Variants in SYNE1 observed in about 807,000 individuals in gnomAD.
SYNE1 encodes the protein nesprin-1.
In SYNE1, 616 loss-of-function variants were observed where a neutral mutation model predicts 1,111.0. That is an observed-to-expected ratio of 0.55 (90% CI 0.52 to 0.59). SYNE1 has a LOEUF of 0.59. Ranked by LOEUF, SYNE1 falls within the 20% of genes least tolerant of loss-of-function variation. The probability of loss-of-function intolerance (pLI) is 0.00; values close to 1 mark genes in which losing one functional copy is unlikely to be tolerated. For synonymous variants in SYNE1, 3,855 were observed against 3,825.8 expected (o/e 1.01, Z -0.28); for missense variants, 10,006 against 10,417.0 (o/e 0.96, Z 1.72).
In SYNE1 at chr6:152,387,219, C is replaced by T; in HGVS notation, c.8340G>A (p.Leu2780=). ...FVLLDHLQSI[L]SEAEDHTRAL... is the part of the protein sequence containing the mutation. ...CTCTCGTGTGATCTTCTGCCTCAGA[C>T]AGGATGGACTGGAGGTGGTCAAGCA... Residue 2780 remains leucine (L), a synonymous_variant, in exon 54 of 146, where the codon CTG becomes CTA. Coordinates refer to ENST00000367255, the MANE Select transcript of SYNE1 (RefSeq NM_182961.4). 2 of 1,614,192 alleles carry T rather than the reference C, an allele frequency of 1.2e-6. No homozygotes were observed. The highest frequency in any genetic ancestry group is 8.5e-7 in the Non-Finnish European group (1 of 1,180,024).
intron 3 of SYNE1, among the ~76,000 whole-genome samples, chr6:152,574,530 G>A (rs1179200058): frequency 6.6e-6 from 1 of 151,966 alleles, no homozygotes; most frequent in Non-Finnish European, 1.5e-5. Context: ...GTCTTTGTTG[G>A]TTGATTAAGC....
chr6:152,595,347 A>G (rs2099577968), intron 3 of SYNE1, among the ~76,000 whole-genome samples: 2 of 152,236 alleles, frequency 1.3e-5, no homozygotes, highest in Admixed American at 1.3e-4. Flanking sequence ...TTCACACATC[A>G]TCATCCAAGC....
intron 87 of SYNE1, among the ~76,000 whole-genome samples, chr6:152,313,464 CT>C (rs35627993): frequency 0.12 from 15,970 of 135,508 alleles, 879 homozygotes; most frequent in Non-Finnish European, 0.16. Flanking sequence ...ATTTTCTTTT[CT>C]TTTTTTTTTT....
chr6:152,180,313 G>T lies in SYNE1; in HGVS notation c.23302-19C>A. The T allele has an allele frequency of 1.9e-6, 3 of 1,613,328 alleles. No individual in the cohort carries two copies. The highest frequency in any genetic ancestry group is 2.5e-6 in the Non-Finnish European group (3 of 1,179,658). On this transcript the variant is annotated intron_variant, in intron 128 of 145. Coordinates refer to ENST00000367255, the MANE Select transcript of SYNE1 (RefSeq NM_182961.4). ...AGGAGAGCTGAAAAGTTTAAAATGG[G>T]AGAATAGGCAAAATGATTATCAGAG...
chr6:152,190,518 A>G (rs979965555), intron 127 of SYNE1, among the ~76,000 whole-genome samples: 1 of 152,194 alleles, frequency 6.6e-6, no homozygotes, highest in African/African-American at 2.4e-5. Context: ...AGATATTTTA[A>G]TAGATGATAG....
chr6:152,480,080 G>T (rs1335522352), intron 14 of SYNE1, among the ~76,000 whole-genome samples: 1 of 152,160 alleles, frequency 6.6e-6, no homozygotes, highest in Admixed American at 6.5e-5. Context: ...AAACATTCTT[G>T]ATCATACATC....
At chr6:152,128,544 A>G (rs2054299619) in intron 145 of SYNE1, 1 of 152,244 alleles carries the variant, frequency 6.6e-6, no homozygotes, top group Non-Finnish European at 1.5e-5. Flanking sequence ...ACAGGCTAGT[A>G]TAATATTAAC....
In SYNE1 at chr6:152,463,013, A is replaced by C. The variant is rs929555111; in HGVS notation, c.2098-123T>G. On this transcript the variant is annotated intron_variant, in intron 19 of 145. Coordinates refer to ENST00000367255, the MANE Select transcript of SYNE1 (RefSeq NM_182961.4). ...CCGGTAAGAAAGACTCTAATCTTTGATTCTCATTTTAGATAAATTTGAAGT... is the reference window on the plus strand; with the variant it reads ...CCGGTAAGAAAGACTCTAATCTTTGCTTCTCATTTTAGATAAATTTGAAGT... The C allele has an allele frequency of 7.5e-6, 9 of 1,204,566 alleles. No homozygotes were observed. The African/African-American group carries it at 1.4e-4, about 18-fold the overall frequency. 74.6% of individuals were successfully genotyped at this position (1,204,566 alleles called of 1,614,324 possible).
Position 152,373,034 on chromosome 6 carries a change from T to C in SYNE1, c.9507+3A>G. The C allele has an allele frequency of 6.2e-7, 1 of 1,613,614 alleles. No individual in the cohort carries two copies. The highest frequency in any genetic ancestry group is 8.5e-7 in the Non-Finnish European group (1 of 1,179,510). ...ATGCTTCCATGTGGTTGGCTATATA[T>C]ACCTCTAGAGCAGATTCTTTTTGGT... On this transcript the variant is annotated splice_donor_region_variant and intron_variant, in intron 59 of 145. Transcript: ENST00000367255.
At chr6:152,383,100 C>T (rs924045373) in intron 55 of SYNE1, among the ~76,000 whole-genome samples, 3 of 152,154 alleles carry the variant, frequency 2.0e-5, no homozygotes, top group African/African-American at 7.2e-5. Flanking sequence ...TAAAACCACC[C>T]ACACACTAAC....
At chr6:152,545,322 G>A (rs1047921681) in intron 3 of SYNE1, among the ~76,000 whole-genome samples, 11 of 152,156 alleles carry the variant, frequency 7.2e-5, no homozygotes, top group Non-Finnish European at 1.6e-4. Context: ...GCTCATGCCT[G>A]TAATCCCAGC....
intron 56 of SYNE1, chr6:152,380,658 C>G (rs762549205): frequency 3.2e-6 from 1 of 309,568 alleles, no homozygotes; most frequent in Non-Finnish European, 6.1e-6. Flanking sequence ...GGCAAGAAAA[C>G]AGCTATGACT....
chr6:152,141,153 T>C (rs770122855), intron 139 of SYNE1, 50 bp downstream of exon 139: 1 of 1,613,418 alleles, frequency 6.2e-7, no homozygotes, highest in South Asian at 1.1e-5. Context: ...AACAAAGTGC[T>C]TCAGGATCTT....
chr6:152,170,734 C>A (rs1049998437), intron 130 of SYNE1, among the ~76,000 whole-genome samples: 1 of 152,212 alleles, frequency 6.6e-6, no homozygotes, highest in African/African-American at 2.4e-5. Flanking sequence ...TTTACCTCCA[C>A]AGCCTTTGAA....
intron 3 of SYNE1, among the ~76,000 whole-genome samples, chr6:152,624,888 G>A (rs905243184): frequency 6.6e-6 from 1 of 152,132 alleles, no homozygotes; most frequent in Admixed American, 6.6e-5. Context: ...GCAATTATGG[G>A]TGTAAGCTAA....
At chr6:152,186,839 A>G (rs994934668) in intron 128 of SYNE1, among the ~76,000 whole-genome samples, 2 of 152,180 alleles carry the variant, frequency 1.3e-5, no homozygotes, top group Non-Finnish European at 2.9e-5. Flanking sequence ...TCCTAAAATT[A>G]AGAAAAACAG....
intron 66 of SYNE1, among the ~76,000 whole-genome samples, chr6:152,356,527 T>C (rs917181395): frequency 2.7e-5 from 4 of 148,092 alleles, no homozygotes; most frequent in African/African-American, 9.8e-5. Context: ...TATATATTAA[T>C]ATATTAAAGA....
In SYNE1 at chr6:152,269,201, C is replaced by T. The variant is rs377307244; in HGVS notation, c.18659G>A (p.Arg6220His). The change falls in exon 99 of 146, where the codon CGC (arginine) becomes CAC (histidine). Residue 6220 changes from arginine (R) to histidine (H), a missense_variant. Physicochemically the swap from Arg to His is conservative, Grantham distance 29. Coordinates refer to ENST00000367255, the MANE Select transcript of SYNE1 (RefSeq NM_182961.4). ...PGVQEWLAQA[R>H]TTWTQQRQSS... ...CTGCCGCTGCTGGGTCCATGTGGTG[C>T]GAGCTTGGGCCAGCCATTCCTGGAC... 30 of 1,614,022 alleles carry T rather than the reference C, an allele frequency of 1.9e-5. No individual in the cohort carries two copies. Among genetic ancestry groups the T allele is most frequent in the African/African-American group, 5.3e-5 (4 of 74,934 alleles).
chr6:152,273,109 G>C (rs1324989969), intron 98 of SYNE1, among the ~76,000 whole-genome samples: 1 of 152,192 alleles, frequency 6.6e-6, no homozygotes, highest in Non-Finnish European at 1.5e-5. Flanking sequence ...CAATTTCCAT[G>C]TAGTAAAACA....
Sources: allele counts gnomAD v4.1 joint callset (sites outside exome capture counted in the v4.1 genomes callset), GRCh38; gene constraint gnomAD v4.1.1; transcripts MANE v1.5; gene names NCBI Gene and HGNC (gene_info 2026-07-23, HGNC 2026-07-21).